SETD5: variants seen among roughly 807,000 people sequenced by gnomAD.
SETD5 encodes SET domain containing 5, also known as histone-lysine N-methyltransferase SETD5.
SETD5 carries 44 observed loss-of-function variants against 153.3 expected under a neutral mutation model. The ratio of observed to expected loss-of-function variants is 0.29; its 90% CI spans 0.23 to 0.37. The LOEUF is 0.37. Among genes scored for constraint, SETD5 ranks in the 10% least tolerant of loss-of-function variants. SETD5 has a pLI of 1.00. For missense variants in SETD5, 1,544 were observed against 1,768.0 expected (o/e 0.87, Z 2.27); for synonymous variants, 716 against 645.2 (o/e 1.11, Z -1.66).
At chr3:9,472,629 T>G (rs1416521630) in intron 19 of SETD5, among the ~76,000 whole-genome samples, 4 of 152,238 alleles carry the variant, frequency 2.6e-5, no homozygotes, top group Non-Finnish European at 4.4e-5. Context: ...CTTGAAAATT[T>G]GAACATATTT....
At chr3:9,445,839 T>G in intron 13 of SETD5, 99 bp downstream of exon 13, 1 of 731,490 alleles carries the variant, frequency 1.4e-6, no homozygotes, top group South Asian at 4.1e-5. Flanking sequence ...CTCATTGATT[T>G]GACCTGAAGG....
chr3:9,416,831 G>T (rs550426668), intron 1 of SETD5, among the ~76,000 whole-genome samples: 1 of 152,238 alleles, frequency 6.6e-6, no homozygotes, highest in Admixed American at 6.5e-5. Context: ...AGGAAGAGAG[G>T]TTATAGATAA....
intron 18 of SETD5, among the ~76,000 whole-genome samples, chr3:9,467,352 C>A (rs1403942112): frequency 1.3e-5 from 2 of 151,882 alleles, no homozygotes; most frequent in African/African-American, 4.8e-5. Flanking sequence ...AGAACAAGAT[C>A]TTCAGGAGGG....
intron 1 of SETD5, among the ~76,000 whole-genome samples, chr3:9,408,114 C>CA (rs1347044200): frequency 6.6e-6 from 1 of 152,170 alleles, no homozygotes; most frequent in South Asian, 2.1e-4. Flanking sequence ...GTTTCACTCT[C>CA]AAAAATGTCT....
intron 3 of SETD5, chr3:9,431,354 C>G: frequency 1.0e-6 from 1 of 985,300 alleles, no homozygotes; most frequent in Non-Finnish European, 1.2e-6. Flanking sequence ...GTGTATGTGT[C>G]CAATTCAGTG....
Position 9,443,295 on chromosome 3 carries a change from C to A in SETD5, c.1078-13C>A. 1 of 1,543,572 alleles carries A rather than the reference C, an allele frequency of 6.5e-7. No homozygotes were observed. The highest frequency in any genetic ancestry group is 8.8e-7 in the Non-Finnish European group (1 of 1,141,500). ...TCTTTATGAAAAATCCAACCAGAAG[C>A]CTTTTCACACAGGTGCGACACATGA... On this transcript the variant is annotated splice_polypyrimidine_tract_variant and intron_variant, in intron 10 of 22. Coordinates refer to ENST00000402198, the MANE Select transcript of SETD5 (RefSeq NM_001080517.3).
chr3:9,445,106 A>G lies in SETD5; in HGVS notation c.1246A>G (p.Arg416Gly), dbSNP rs921939402. 6.2e-7 allele frequency: 1 copy of G among 1,614,014 alleles called. No individual in the cohort carries two copies. The highest frequency in any genetic ancestry group is 1.7e-5 in the Admixed American group (1 of 60,030). ...KGNRNCPIQK[R>G]NPNATELPLL... ...AAACCGGAATTGTCCTATACAAAAA[A>G]GGAATCCTAATGCTACAGAACTGCC... Residue 416 changes from arginine (R) to glycine (G), a missense_variant, in exon 12 of 23, where the codon AGG (arginine) becomes GGG (glycine). This residue lies in a region of SETD5 where 782 missense variants were observed against 787.2 expected (regional missense o/e 0.99). Transcript: ENST00000402198.
At chr3:9,441,228 G>C (rs2041248025) in intron 8 of SETD5, among the ~76,000 whole-genome samples, 1 of 152,024 alleles carries the variant, frequency 6.6e-6, no homozygotes, top group African/African-American at 2.4e-5. Context: ...AACAGAGAGA[G>C]AGATGACTTA....
At chr3:9,411,946 A>G (rs910626090) in intron 1 of SETD5, among the ~76,000 whole-genome samples, 5 of 152,188 alleles carry the variant, frequency 3.3e-5, no homozygotes, top group African/African-American at 1.2e-4. Flanking sequence ...AATCACATTT[A>G]AAAATTTAAT....
chr3:9,399,483 T>C (rs916168566), intron 1 of SETD5, among the ~76,000 whole-genome samples: 2 of 152,074 alleles, frequency 1.3e-5, no homozygotes, highest in Non-Finnish European at 2.9e-5. Flanking sequence ...ATTAGTTCTC[T>C]TCTGTAGCCA....
At chr3:9,408,481 TG>T (rs1237592244) in intron 1 of SETD5, among the ~76,000 whole-genome samples, 1 of 152,244 alleles carries the variant, frequency 6.6e-6, no homozygotes, top group African/African-American at 2.4e-5. Flanking sequence ...ATACCTTGAT[TG>T]GTAAGTTTGA....
intron 1 of SETD5, among the ~76,000 whole-genome samples, chr3:9,413,626 C>T (rs1018603140): frequency 6.5e-5 from 9 of 139,226 alleles, no homozygotes; most frequent in Admixed American, 1.4e-4. Flanking sequence ...TAAATTCTAG[C>T]TTCTTCGGGT....
At chr3:9,449,029 G>A (rs892757840) in intron 16 of SETD5, among the ~76,000 whole-genome samples, 8 of 152,132 alleles carry the variant, frequency 5.3e-5, no homozygotes, top group Non-Finnish European at 1.0e-4. Context: ...GAACACTGTT[G>A]CATAAATGAA....
At chr3:9,404,905 CACTGT>C (rs2035413875) in intron 1 of SETD5, among the ~76,000 whole-genome samples, 1 of 152,208 alleles carries the variant, frequency 6.6e-6, no homozygotes, top group Non-Finnish European at 1.5e-5. Context: ...GAAACACAAG[CACTGT>C]ACCTCATCTT....
intron 17 of SETD5, among the ~76,000 whole-genome samples, chr3:9,463,694 A>G (rs1287188696): frequency 1.3e-5 from 2 of 152,264 alleles, no homozygotes; most frequent in East Asian, 1.9e-4. Flanking sequence ...AAGAATAGAA[A>G]GAGCTTCTGA....
intron 1 of SETD5, among the ~76,000 whole-genome samples, chr3:9,399,036 C>T (rs1432706931): frequency 6.6e-6 from 1 of 152,164 alleles, no homozygotes; most frequent in Non-Finnish European, 1.5e-5. Context: ...TGGGCTTTGT[C>T]TATATTTAAG....
intron 16 of SETD5, among the ~76,000 whole-genome samples, chr3:9,449,005 C>T (rs2042327000): frequency 6.6e-6 from 1 of 152,098 alleles, no homozygotes. Flanking sequence ...TGAGATTAGG[C>T]CCTGGGTCCT....
At chr3:9,410,863 C>T (rs1167840130) in intron 1 of SETD5, among the ~76,000 whole-genome samples, 1 of 151,252 alleles carries the variant, frequency 6.6e-6, no homozygotes, top group African/African-American at 2.4e-5. Context: ...GAAACTTTCT[C>T]CAGTAAAAAT....
intron 17 of SETD5, among the ~76,000 whole-genome samples, chr3:9,460,846 T>A (rs2043872294): frequency 6.6e-6 from 1 of 152,182 alleles, no homozygotes; most frequent in South Asian, 2.1e-4. Context: ...TGTTCTTTTT[T>A]AATTAAAATC....
Sources: allele counts gnomAD v4.1 joint callset (sites outside exome capture counted in the v4.1 genomes callset), GRCh38; gene constraint gnomAD v4.1.1; regional missense constraint gnomAD v4.1.1; transcripts MANE v1.5; gene names NCBI Gene and HGNC (gene_info 2026-07-23, HGNC 2026-07-21).